Variants in NOVA2 observed in about 807,000 individuals in gnomAD.
NOVA2 encodes the protein RNA-binding protein Nova-2.
In NOVA2, 9 loss-of-function variants were observed where a neutral mutation model predicts 22.5. That is an observed-to-expected ratio of 0.40 (90% confidence interval 0.24 to 0.70). The LOEUF is 0.70. Ranked by LOEUF, NOVA2 falls within the 30% of genes least tolerant of loss-of-function variation. NOVA2 has a pLI of 0.38. For synonymous variants in NOVA2, 318 were observed against 335.2 expected, an observed-to-expected ratio of 0.95 and a Z score of 0.56; for missense variants, 383 against 682.8, an observed-to-expected ratio of 0.56 and a Z score of 4.89.
Position 45,939,763 on chromosome 19 carries a change from C to T in NOVA2, c.*100G>A. 6.8e-7 allele frequency: 1 copy of T among 1,475,028 alleles called. No individual in the cohort carries two copies. Among genetic ancestry groups the T allele is most frequent in the Non-Finnish European group, 9.3e-7 (1 of 1,081,010 alleles). The allele number at this position is 1,475,028 out of a possible 1,614,324, so 91.4% of individuals were successfully genotyped here. ...TACCCCAGCCCCATCCCAAGAGGAGCAGGACTACACCAAGCTGAGGTCAGG... is the reference window on the plus strand; with the variant it reads ...TACCCCAGCCCCATCCCAAGAGGAGTAGGACTACACCAAGCTGAGGTCAGG... On this transcript the variant is annotated 3_prime_UTR_variant, in exon 4 of 4. Transcript: ENST00000263257.
chr19:45,955,876 G>GA (rs1181709967), intron 2 of NOVA2, among the ~76,000 whole-genome samples: 2 of 151,606 alleles, frequency 1.3e-5, no homozygotes, highest in Non-Finnish European at 2.9e-5. Flanking sequence ...ACAAAAAAAA[G>GA]AAAAAAAACA....
chr19:45,955,580 C>T lies in NOVA2; in HGVS notation c.230-1634G>A, dbSNP rs76524032. On this transcript the variant is annotated intron_variant, in intron 2 of 3. Coordinates refer to ENST00000263257, the MANE Select transcript of NOVA2 (RefSeq NM_002516.4). ...AGAATGTAAAAGGTCTTGAGTGTGG[C>T]CGGGTGCGGTGGCTCACGCTTGAAA... Among the ~76,000 whole-genome samples the T allele has an allele frequency of 5.8e-3, 879 of 152,098 alleles. 12 individuals carry two copies. Among genetic ancestry groups the T allele is most frequent in the African/African-American group, 0.019 (807 of 41,470 alleles).
chr19:45,956,231 G>C (rs1281688521), intron 2 of NOVA2, among the ~76,000 whole-genome samples: 1 of 152,056 alleles, frequency 6.6e-6, no homozygotes, highest in Non-Finnish European at 1.5e-5. Flanking sequence ...AAAGGGTGTG[G>C]GTTGGGGTGG....
chr19:45,943,876 G>A (rs2146409357), intron 3 of NOVA2, among the ~76,000 whole-genome samples: 1 of 152,238 alleles, frequency 6.6e-6, no homozygotes, highest in South Asian at 2.1e-4. Context: ...TTGTTTGCAT[G>A]GTTTTAAGAG....
chr19:45,972,247 C>G (rs181769905), intron 1 of NOVA2, among the ~76,000 whole-genome samples: 216 of 152,186 alleles, frequency 1.4e-3, no homozygotes, highest in African/African-American at 5.0e-3. Flanking sequence ...CCCACCTTCC[C>G]TGTTGCACAC....
intron 3 of NOVA2, among the ~76,000 whole-genome samples, chr19:45,946,003 T>TAAAAA (rs35902840): frequency 2.0e-5 from 2 of 97,882 alleles, no homozygotes; most frequent in Non-Finnish European, 3.9e-5. Flanking sequence ...AGACTCCATC[T>TAAAAA]AAAAAAAAAA....
chr19:45,946,998 G>A (rs1191030792), intron 3 of NOVA2, among the ~76,000 whole-genome samples: 1 of 152,010 alleles, frequency 6.6e-6, no homozygotes, highest in Non-Finnish European at 1.5e-5. Flanking sequence ...CAGTGTATGG[G>A]GACTATTCCT....
At chr19:45,954,950 G>A (rs1481966118) in intron 2 of NOVA2, among the ~76,000 whole-genome samples, 2 of 151,892 alleles carry the variant, frequency 1.3e-5, no homozygotes, top group African/African-American at 2.4e-5. Context: ...ATAAAGTGCA[G>A]AGACTGCCTT....
rs994504826 is a variant in NOVA2 at position 45,934,890 on chromosome 19, A to T, written c.*4973T>A. On this transcript the variant is annotated 3_prime_UTR_variant, in exon 4 of 4. Transcript: ENST00000263257. Reference sequence around the variant, plus strand: ...TGGGATGGGGTGCGGGTGGGGAGGCATGGGTGGTGGGAGGAGATGGAGGAA... The same window carrying T: ...TGGGATGGGGTGCGGGTGGGGAGGCTTGGGTGGTGGGAGGAGATGGAGGAA... 4 of 151,012 alleles carry T rather than the reference A, an allele frequency of 2.6e-5. No homozygotes were observed. Among genetic ancestry groups the T allele is most frequent in the Non-Finnish European group, 5.9e-5 (4 of 67,784 alleles). 9.4% of individuals were successfully genotyped at this position (151,012 alleles called of 1,614,324 possible).
Position 45,973,652 on chromosome 19 carries a change from C to A in NOVA2, c.-301G>T, listed in dbSNP as rs1169589002. ...GAGGGGGAGCCCCGGAGAGGGAAGG[C>A]GGGGGTAGGGGGGAGCCGGTTCTCG... On this transcript the variant is annotated 5_prime_UTR_variant, in exon 1 of 4. Coordinates refer to ENST00000263257, the MANE Select transcript of NOVA2 (RefSeq NM_002516.4). 1 of 9,550 alleles carries A rather than the reference C, an allele frequency of 1.0e-4. No individual in the cohort carries two copies. The highest frequency in any genetic ancestry group is 5.4e-4 in the African/African-American group (1 of 1,856). 0.6% of individuals were successfully genotyped at this position (9,550 alleles called of 1,614,324 possible). A position where few individuals can be genotyped will look rare whatever the true frequency, so the allele number is the denominator to read the frequency against.
chr19:45,941,090 G>T, intron 3 of NOVA2, 145 bp from the exon 4 acceptor site: 1 of 761,226 alleles, frequency 1.3e-6, no homozygotes, highest in Non-Finnish European at 2.0e-6. Context: ...AGGAGTTCCA[G>T]ACTAGCCTGG....
intron 1 of NOVA2, 37 bp downstream of exon 1, chr19:45,973,230 G>A: frequency 7.5e-7 from 1 of 1,326,318 alleles, no homozygotes. Flanking sequence ...GAGGCCCCCT[G>A]CCCGCTCCCC....
At chr19:45,964,074 A>C (rs1968133418) in intron 1 of NOVA2, among the ~76,000 whole-genome samples, 1 of 152,070 alleles carries the variant, frequency 6.6e-6, no homozygotes, top group South Asian at 2.1e-4. Context: ...GAAAGGGAGG[A>C]GTTAGGCCAT....
At position 45,937,171 on chromosome 19, in the gene NOVA2, A is replaced by G. The variant is rs1050696209; in HGVS notation, c.*2692T>C. ...TAGGGGGTCCCCAAGAAATATGAAT[A>G]GGGAGGGGTTGTTACACAGACACCC... On this transcript the variant is annotated 3_prime_UTR_variant, in exon 4 of 4. Transcript: ENST00000263257. 2.0e-5 allele frequency: 3 copies of G among 152,126 alleles called. No individual in the cohort carries two copies. The highest frequency in any genetic ancestry group is 7.2e-5 in the African/African-American group (3 of 41,416). 9.4% of individuals were successfully genotyped at this position (152,126 alleles called of 1,614,324 possible). A position where few individuals can be genotyped will look rare whatever the true frequency, so the allele number is the denominator to read the frequency against.
In NOVA2 at chr19:45,973,549, G is replaced by T. The variant is rs976386876; in HGVS notation, c.-198C>A. 1.1e-5 allele frequency: 1 copy of T among 90,102 alleles called. No individual in the cohort carries two copies. The highest frequency in any genetic ancestry group is 2.4e-5 in the Non-Finnish European group (1 of 41,622). The allele number at this position is 90,102 out of a possible 1,614,324, so 5.6% of individuals were successfully genotyped here. On this transcript the variant is annotated 5_prime_UTR_variant, in exon 1 of 4. Transcript: ENST00000263257. ...CCGGCGGCCATCATCCTCATGGTGG[G>T]GGGGGGCGGGGGGCGGGGGGCGGGG...
At chr19:45,957,816 C>T (rs1420618720) in intron 2 of NOVA2, among the ~76,000 whole-genome samples, 1 of 151,806 alleles carries the variant, frequency 6.6e-6, no homozygotes, top group Non-Finnish European at 1.5e-5. Flanking sequence ...GTTTTAGAAT[C>T]CCTAGGGTGG....
rs1335758880 is a variant in NOVA2, at chr19:45,939,829, G to T, written c.*34C>A. The T allele has an allele frequency of 3.1e-6, 5 of 1,611,926 alleles. No individual in the cohort carries two copies. The Admixed American group carries it at 8.4e-5, about 27-fold the overall frequency. On this transcript the variant is annotated 3_prime_UTR_variant, in exon 4 of 4. Coordinates refer to ENST00000263257, the MANE Select transcript of NOVA2 (RefSeq NM_002516.4). ...GGAGAGGGAAGAGGAGGAGATGGGA[G>T]GAGAGAAAAGGGTGGGAGCACACAC...
At chr19:45,965,032 A>G (rs1968151611) in intron 1 of NOVA2, among the ~76,000 whole-genome samples, 1 of 152,152 alleles carries the variant, frequency 6.6e-6, no homozygotes, top group African/African-American at 2.4e-5. Flanking sequence ...CATTAAGCCT[A>G]TTAGGTAATT....
intron 2 of NOVA2, among the ~76,000 whole-genome samples, chr19:45,954,496 G>C (rs945371010): frequency 1.3e-5 from 2 of 151,984 alleles, no homozygotes; most frequent in African/African-American, 4.8e-5. Context: ...TTTTGGAGAG[G>C]ATGGGGGAAG....
Sources: allele counts gnomAD v4.1 joint callset (sites outside exome capture counted in the v4.1 genomes callset), GRCh38; gene constraint gnomAD v4.1.1; transcripts MANE v1.5; gene names NCBI Gene and HGNC (gene_info 2026-07-23, HGNC 2026-07-21).